WDPCP: variants seen among roughly 807,000 people sequenced by gnomAD.
WDPCP encodes the protein WD repeat-containing and planar cell polarity effector protein fritz homolog.
A neutral mutation model predicts 93.1 loss-of-function variants in WDPCP; 71 were observed. The observed-to-expected ratio is 0.76, with a 90% confidence interval of 0.63 to 0.93. The LOEUF (loss-of-function observed/expected upper bound fraction) is 0.93. Ranked by LOEUF, WDPCP falls within the 40% of genes least tolerant of loss-of-function variation. The pLI, the probability that WDPCP is intolerant of heterozygous loss-of-function variation, is 0.00. For missense variants in WDPCP, 844 were observed against 887.4 expected, an observed-to-expected ratio of 0.95 and a Z score of 0.62; for synonymous variants, 315 against 315.0, an observed-to-expected ratio of 1.00 and a Z score of 0.00.
chr2:63,714,700 G>T (rs758740611), intron 2 of WDPCP, among the ~76,000 whole-genome samples: 2 of 152,058 alleles, frequency 1.3e-5, no homozygotes, highest in African/African-American at 2.4e-5. Context: ...ATGGTGGCAC[G>T]CACCTGTACT....
chr2:63,418,719 G>A (rs1322751730), intron 9 of WDPCP, among the ~76,000 whole-genome samples: 1 of 152,088 alleles, frequency 6.6e-6, no homozygotes, highest in East Asian at 1.9e-4. Flanking sequence ...CAGTAAGAAG[G>A]GGAAAAACAG....
At chr2:63,568,915 A>G (rs1344361763) in intron 1 of WDPCP, among the ~76,000 whole-genome samples, 1 of 152,264 alleles carries the variant, frequency 6.6e-6, no homozygotes, top group Non-Finnish European at 1.5e-5. Flanking sequence ...CGGCTAGCAG[A>G]TATTTAAGAA....
At position 63,120,198 on chromosome 2, in the gene WDPCP, C is replaced by T. The variant is rs1397797216; in HGVS notation, c.*1808G>A. Among the ~76,000 whole-genome samples, 1 of 151,996 alleles carries T rather than the reference C, an allele frequency of 6.6e-6. No individual in the cohort carries two copies. The highest frequency in any genetic ancestry group is 2.1e-4 in the South Asian group (1 of 4,820). On this transcript the variant is annotated 3_prime_UTR_variant, in exon 18 of 18. Coordinates refer to ENST00000272321, the MANE Select transcript of WDPCP (RefSeq NM_015910.7). ...CCTATTTTTTTAAATACAATTTTTT[C>T]TCTAAAAATTAGTTAACTTTTGATT... is the stretch of plus-strand genomic sequence containing the variant.
intron 1 of WDPCP, among the ~76,000 whole-genome samples, chr2:63,535,724 A>C (rs1042780084): frequency 6.6e-6 from 1 of 152,260 alleles, no homozygotes; most frequent in African/African-American, 2.4e-5. Context: ...AGATGGATTA[A>C]AGACTTAAAT....
chr2:63,572,589 G>C (rs1007567973), intron 1 of WDPCP, among the ~76,000 whole-genome samples: 6 of 150,394 alleles, frequency 4.0e-5, no homozygotes, highest in African/African-American at 1.2e-4. Context: ...TGTAATCCCA[G>C]CTACTCAGGA....
At chr2:63,630,876 A>C (rs1278595776) in intron 3 of WDPCP, among the ~76,000 whole-genome samples, 1 of 152,248 alleles carries the variant, frequency 6.6e-6, no homozygotes, top group Non-Finnish European at 1.5e-5. Flanking sequence ...AATTTAAAAG[A>C]ACTGAAATAA....
upstream of WDPCP, among the ~76,000 whole-genome samples, chr2:63,829,853 A>G (rs550334453): frequency 4.6e-5 from 7 of 152,206 alleles, no homozygotes; most frequent in Non-Finnish European, 7.4e-5. Flanking sequence ...CATCTTATTC[A>G]CTGCAGAATC....
intron 9 of WDPCP, among the ~76,000 whole-genome samples, chr2:63,405,532 A>AGT (rs55807956): frequency 0.081 from 10,160 of 124,844 alleles, 394 homozygotes; most frequent in Non-Finnish European, 0.085. Context: ...ATTTTGGTAT[A>AGT]GTGTGTGTGT....
intron 15 of WDPCP, among the ~76,000 whole-genome samples, chr2:63,166,752 G>A: frequency 6.6e-6 from 1 of 152,060 alleles, no homozygotes; most frequent in East Asian, 1.9e-4. Context: ...GGGTAAATGA[G>A]GTGTCCATCA....
intron 1 of WDPCP, among the ~76,000 whole-genome samples, chr2:63,570,124 C>A (rs530580703): frequency 2.0e-4 from 30 of 152,058 alleles, no homozygotes; most frequent in African/African-American, 6.3e-4. Flanking sequence ...TCAAATTTGG[C>A]CTTTTTCAAA....
rs527440006 is a variant in WDPCP at position 63,646,218 on chromosome 2, T to C, written n.488+4441A>G. 1.1e-4 allele frequency among the ~76,000 whole-genome samples: 16 copies of C among 152,256 alleles called. No homozygotes were observed. The East Asian group carries it at 3.1e-3, about 29-fold the overall frequency. On this transcript the variant is annotated intron_variant and non_coding_transcript_variant, in intron 3 of 4. Transcript: ENST00000467687. ...CATGAAGTTTGCAAATACTATCTTA[T>C]AATTTATTATTTTAAGCTGATAACA...
chr2:63,801,506 G>A (rs977275572), intron 2 of WDPCP, among the ~76,000 whole-genome samples: 2 of 152,216 alleles, frequency 1.3e-5, no homozygotes, highest in African/African-American at 2.4e-5. Context: ...GCGGGTTCCT[G>A]CTGTTGGCTG....
chr2:63,482,132 T>C (rs539112201), intron 6 of WDPCP, among the ~76,000 whole-genome samples: 33 of 152,104 alleles, frequency 2.2e-4, no homozygotes, highest in Middle Eastern at 3.4e-3. Context: ...CAACCTCAGA[T>C]TGCATCCTCT....
At position 63,296,210 on chromosome 2, in the gene WDPCP, CA is replaced by C. The variant is rs70965117; in HGVS notation, c.1812+17037del. 5.2e-3 allele frequency among the ~76,000 whole-genome samples: 740 copies of C among 141,344 alleles called. 3 individuals carry two copies. The highest frequency in any genetic ancestry group is 8.7e-3 in the Admixed American group (124 of 14,300). The allele number at this position is 141,344 out of a possible 152,430, so 92.7% of individuals were successfully genotyped here. A position where few individuals can be genotyped will look rare whatever the true frequency, so the allele number is the denominator to read the frequency against. ...AACCATATGATCATCTCAGTAGATG[CA>C]AAAAAAAAAAAAGCATTTGATAAAA... On this transcript the variant is annotated intron_variant, in intron 13 of 17. Transcript: ENST00000272321.
chr2:63,509,989 T>C (rs563882604), intron 1 of WDPCP, among the ~76,000 whole-genome samples: 1 of 152,264 alleles, frequency 6.6e-6, no homozygotes, highest in African/African-American at 2.4e-5. Flanking sequence ...CACAGCCGAA[T>C]TCTACCAGAG....
intron 2 of WDPCP, among the ~76,000 whole-genome samples, chr2:63,730,063 TACTAGGAG>T (rs1209072301): frequency 6.6e-6 from 1 of 152,114 alleles, no homozygotes; most frequent in African/African-American, 2.4e-5. Context: ...TAGTTTCAGA[TACTAGGAG>T]ACAAGTAGAA....
At chr2:63,701,441 G>A (rs1158902391) in intron 2 of WDPCP, among the ~76,000 whole-genome samples, 2 of 152,178 alleles carry the variant, frequency 1.3e-5, no homozygotes, top group Non-Finnish European at 2.9e-5. Context: ...AAACTGTATA[G>A]AAGTTCCTCA....
intron 2 of WDPCP, among the ~76,000 whole-genome samples, chr2:63,705,608 T>C (rs537846892): frequency 1.3e-5 from 2 of 152,326 alleles, no homozygotes; most frequent in Admixed American, 6.5e-5. Flanking sequence ...TTGAGCAGTT[T>C]TGAGTGAGTT....
chr2:63,591,487 A>G (rs924593385), upstream of WDPCP, among the ~76,000 whole-genome samples: 1 of 152,212 alleles, frequency 6.6e-6, no homozygotes, highest in Non-Finnish European at 1.5e-5. Context: ...GGACTGTGAT[A>G]CTGTGAACAT....
Sources: allele counts gnomAD v4.1 joint callset (sites outside exome capture counted in the v4.1 genomes callset), GRCh38; gene constraint gnomAD v4.1.1; transcripts MANE v1.5; gene names NCBI Gene and HGNC (gene_info 2026-07-23, HGNC 2026-07-21).